PTGER3: variants seen among roughly 807,000 people sequenced by gnomAD.
The protein encoded by PTGER3 is prostaglandin E2 receptor EP3 subtype.
Under a neutral mutation model 34.7 loss-of-function variants are expected in PTGER3, and 22 were observed. The observed-to-expected ratio is 0.63, with a 90% CI of 0.45 to 0.91. PTGER3 has a LOEUF of 0.91. PTGER3 is among the 40% of genes least tolerant of loss of function. PTGER3 has a pLI of 0.00. For synonymous variants in PTGER3, 241 were observed against 230.1 expected, an observed-to-expected ratio of 1.05 and a Z score of -0.43; for missense variants, 468 against 519.4, an observed-to-expected ratio of 0.90 and a Z score of 0.96.
intron 4 of PTGER3, among the ~76,000 whole-genome samples, chr1:70,910,702 A>G (rs1397502428): frequency 2.9e-5 from 3 of 105,078 alleles, no homozygotes; most frequent in African/African-American, 7.9e-5. Context: ...AGACGCTTGC[A>G]AAGAGGCAAC....
chr1:70,911,594 G>A (rs541034004), intron 4 of PTGER3, among the ~76,000 whole-genome samples: 3 of 152,158 alleles, frequency 2.0e-5, no homozygotes, highest in African/African-American at 7.2e-5. Context: ...AAAAAAGTGG[G>A]AGAAGACAAA....
At chr1:71,028,715 T>C (rs1299466078) in intron 1 of PTGER3, among the ~76,000 whole-genome samples, 1 of 152,202 alleles carries the variant, frequency 6.6e-6, no homozygotes, top group Non-Finnish European at 1.5e-5. Context: ...CTCCTTCCCA[T>C]TGCTTCCAAT....
At chr1:70,888,344 G>A (rs1276270225) in intron 4 of PTGER3, among the ~76,000 whole-genome samples, 4 of 152,130 alleles carry the variant, frequency 2.6e-5, no homozygotes, top group African/African-American at 9.7e-5. Context: ...ACATCAAAAT[G>A]TATCTATGTA....
At chr1:70,858,967 C>T (rs1294403957) in intron 4 of PTGER3, among the ~76,000 whole-genome samples, 1 of 152,122 alleles carries the variant, frequency 6.6e-6, no homozygotes, top group Non-Finnish European at 1.5e-5. Flanking sequence ...TAGGTTGAAA[C>T]TTCAATAAGG....
rs576937436 is a variant in PTGER3, at chr1:71,040,925, T to A, written c.897+5756A>T. 2.0e-5 allele frequency among the ~76,000 whole-genome samples: 3 copies of A among 152,272 alleles called. No individual in the cohort carries two copies. The East Asian group carries it at 5.8e-4, about 29-fold the overall frequency. On this transcript the variant is annotated intron_variant, in intron 1 of 3. Transcript: ENST00000306666. ...AAGAGAGGTGGGTGCTTGGCAGATA[T>A]TGCTGAATGGCTGAGGGGTAAAGTG...
At chr1:71,040,911 G>A (rs1465986475) in intron 1 of PTGER3, among the ~76,000 whole-genome samples, 1 of 152,144 alleles carries the variant, frequency 6.6e-6, no homozygotes, top group Admixed American at 6.5e-5. Context: ...AGAGAGGTGG[G>A]TGCTTGGCAG....
intron 4 of PTGER3, chr1:70,886,299 C>A: frequency 2.2e-6 from 1 of 451,732 alleles, no homozygotes; most frequent in South Asian, 1.6e-5. Context: ...TCTGCTGGCA[C>A]CCTGATCCTG....
intron 4 of PTGER3, among the ~76,000 whole-genome samples, chr1:70,902,505 C>T (rs1646861368): frequency 6.6e-6 from 1 of 152,154 alleles, no homozygotes; most frequent in African/African-American, 2.4e-5. Context: ...TCAGCTACAA[C>T]AGTAAAGGTC....
chr1:70,978,562 G>A (rs911506650), intron 2 of PTGER3, among the ~76,000 whole-genome samples: 7 of 152,020 alleles, frequency 4.6e-5, no homozygotes, highest in Admixed American at 2.0e-4. Context: ...TTCCTGATCC[G>A]GATAATAATA....
chr1:70,908,957 G>A (rs1647006820), intron 4 of PTGER3, among the ~76,000 whole-genome samples: 1 of 152,140 alleles, frequency 6.6e-6, no homozygotes, highest in Non-Finnish European at 1.5e-5. Flanking sequence ...GAGTATAGGA[G>A]CTAGTAGTGC....
chr1:70,938,670 G>A (rs1333700340), intron 4 of PTGER3, among the ~76,000 whole-genome samples: 1 of 152,042 alleles, frequency 6.6e-6, no homozygotes, highest in Non-Finnish European at 1.5e-5. Flanking sequence ...CATGGTGGCG[G>A]CAAGAGAAAA....
At chr1:70,886,357 G>A (rs994983490) in intron 4 of PTGER3, 2 of 443,928 alleles carry the variant, frequency 4.5e-6, no homozygotes, top group Admixed American at 4.8e-5. Context: ...TGTTGTTTAA[G>A]CCACCTAGTC....
intron 4 of PTGER3, among the ~76,000 whole-genome samples, chr1:70,865,091 G>GAAA (rs139294246): frequency 6.7e-6 from 1 of 149,688 alleles, no homozygotes; most frequent in African/African-American, 2.5e-5. Flanking sequence ...AAGAAAATAT[G>GAAA]AAAAAAAATG....
chr1:70,895,298 G>A (rs898908606), intron 4 of PTGER3, among the ~76,000 whole-genome samples: 1 of 152,168 alleles, frequency 6.6e-6, no homozygotes, highest in African/African-American at 2.4e-5. Flanking sequence ...GTCAGTTGCT[G>A]GTCATGAATA....
intron 4 of PTGER3, among the ~76,000 whole-genome samples, chr1:70,934,464 CT>C (rs1490719934): frequency 1.3e-5 from 2 of 152,162 alleles, no homozygotes; most frequent in African/African-American, 4.8e-5. Flanking sequence ...GCAACACTAG[CT>C]TATTTTAATC....
intron 2 of PTGER3, among the ~76,000 whole-genome samples, chr1:71,004,789 G>A (rs1197139723): frequency 2.0e-5 from 3 of 152,228 alleles, no homozygotes; most frequent in Non-Finnish European, 4.4e-5. Flanking sequence ...ATAGGTTTAT[G>A]TGATTATGGA....
intron 1 of PTGER3, among the ~76,000 whole-genome samples, chr1:71,027,727 A>G (rs1659058693): frequency 6.6e-6 from 1 of 152,106 alleles, no homozygotes; most frequent in Non-Finnish European, 1.5e-5. Flanking sequence ...TAGTAGCCAG[A>G]TTTTTTTTAA....
At chr1:70,989,165 G>C (rs1007992301) in intron 2 of PTGER3, among the ~76,000 whole-genome samples, 1 of 152,120 alleles carries the variant, frequency 6.6e-6, no homozygotes, top group Non-Finnish European at 1.5e-5. Flanking sequence ...ACAGGAAAGC[G>C]CTCAGAACAG....
At chr1:70,952,969 T>C in exon 4 of PTGER3, 1 of 1,613,290 alleles carries the variant, frequency 6.2e-7, no homozygotes, top group Non-Finnish European at 8.5e-7. Context: ...AGTACCTCCA[T>C]TTCTTCTCTG....
Sources: allele counts gnomAD v4.1 joint callset (sites outside exome capture counted in the v4.1 genomes callset), GRCh38; gene constraint gnomAD v4.1.1; transcripts MANE v1.5; gene names NCBI Gene and HGNC (gene_info 2026-07-23, HGNC 2026-07-21).